DCTD: variants seen among roughly 807,000 people sequenced by gnomAD.
DCTD encodes dCMP deaminase.
A neutral mutation model predicts 21.0 loss-of-function variants in DCTD; 23 were observed. The observed-to-expected ratio is 1.09, with a 90% CI of 0.79 to 1.55. The LOEUF is 1.55. Among genes scored for constraint, DCTD ranks in the 40% most tolerant of loss-of-function variants. The probability of loss-of-function intolerance (pLI) is 0.00; values close to 1 mark genes in which losing one functional copy is unlikely to be tolerated. For missense variants in DCTD, 224 were observed against 230.0 expected (o/e 0.97, Z 0.17); for synonymous variants, 71 against 81.1 (o/e 0.88, Z 0.67).
At chr4:182,911,073 A>G (rs1004856868) in intron 3 of DCTD, 2 of 152,194 alleles carry the variant, frequency 1.3e-5, no homozygotes, top group Non-Finnish European at 2.9e-5. Flanking sequence ...GTGGCTGAGA[A>G]ACAATGGACA....
At chr4:182,899,328 C>T (rs1735290546) in intron 3 of DCTD, among the ~76,000 whole-genome samples, 1 of 152,074 alleles carries the variant, frequency 6.6e-6, no homozygotes, top group Admixed American at 6.6e-5. Context: ...ATTTTTCCTG[C>T]CTTTGTGGGC....
chr4:182,910,824 C>A (rs1737539584), intron 3 of DCTD, among the ~76,000 whole-genome samples: 1 of 152,170 alleles, frequency 6.6e-6, no homozygotes, highest in Non-Finnish European at 1.5e-5. Flanking sequence ...CAAAAACACC[C>A]TTTAAAAATA....
At position 182,891,225 on chromosome 4, in the gene DCTD, A is replaced by G; in HGVS notation, c.*174T>C. 1 of 618,766 alleles carries G rather than the reference A, an allele frequency of 1.6e-6. No individual in the cohort carries two copies. The highest frequency in any genetic ancestry group is 2.7e-5 in the Admixed American group (1 of 36,906). The allele number at this position is 618,766 out of a possible 1,614,324, so 38.3% of individuals were successfully genotyped here. A position where few individuals can be genotyped will look rare whatever the true frequency, so the allele number is the denominator to read the frequency against. On this transcript the variant is annotated 3_prime_UTR_variant, in exon 6 of 6. Transcript: ENST00000438320. ...CTAAAGCAATAGTTCAAACACATGT[A>G]GATTCCATGTGACAAGAGAGACAGT...
At chr4:182,900,884 C>A (rs901018512) in intron 3 of DCTD, among the ~76,000 whole-genome samples, 14 of 148,374 alleles carry the variant, frequency 9.4e-5, no homozygotes, top group Non-Finnish European at 1.5e-4. Flanking sequence ...TTTTCTATTA[C>A]TAACTGTCAG....
chr4:182,898,389 C>T (rs1466994894), intron 3 of DCTD, among the ~76,000 whole-genome samples: 1 of 152,212 alleles, frequency 6.6e-6, no homozygotes, highest in Non-Finnish European at 1.5e-5. Context: ...TGGCTGAGCG[C>T]TCTTGTAATT....
chr4:182,895,278 C>T (rs975936166), intron 3 of DCTD, among the ~76,000 whole-genome samples: 1 of 152,130 alleles, frequency 6.6e-6, no homozygotes, highest in African/African-American at 2.4e-5. Context: ...ACTATGTTGC[C>T]CAGGCTGGTC....
intron 3 of DCTD, among the ~76,000 whole-genome samples, chr4:182,901,486 G>A (rs888567118): frequency 1.3e-4 from 20 of 152,178 alleles, no homozygotes; most frequent in African/African-American, 4.8e-4. Flanking sequence ...GCCTGGTGTG[G>A]TGGCTCCCGC....
At chr4:182,912,775 C>T (rs13136805) in intron 3 of DCTD, among the ~76,000 whole-genome samples, 14,171 of 152,166 alleles carry the variant, frequency 0.093, 742 homozygotes, top group Middle Eastern at 0.15. Flanking sequence ...CCTTGGCTTC[C>T]AGGTCACTGC....
At chr4:182,908,598 G>A (rs71620960) in intron 3 of DCTD, among the ~76,000 whole-genome samples, 18 of 148,852 alleles carry the variant, frequency 1.2e-4, no homozygotes, top group African/African-American at 4.2e-4. Flanking sequence ...CAGGAGAATC[G>A]CTTGAAACCT....
In DCTD at chr4:182,893,121, T is replaced by C. The variant is rs2152854237; in HGVS notation, c.368A>G (p.Lys123Arg). The C allele has an allele frequency of 6.3e-7, 1 of 1,596,460 alleles. No individual in the cohort carries two copies. Among genetic ancestry groups the C allele is most frequent in the Non-Finnish European group, 8.6e-7 (1 of 1,165,590 alleles). Residue 123 changes from lysine to arginine, a missense_variant, in exon 5 of 6, where the codon AAA (lysine) becomes AGA (arginine). Lys to Arg is a conservative substitution (Grantham distance 26). Coordinates refer to ENST00000438320, the MANE Select transcript of DCTD (RefSeq NM_001921.3). ...CAKLIIQAGI[K>R]EVIFMSDKYH... Reference sequence around the variant, plus strand: ...TTTATCAGACATGAAAATCACTTCTTTTATACCTGTAAGGTAACAATGGGA... The same window carrying C: ...TTTATCAGACATGAAAATCACTTCTCTTATACCTGTAAGGTAACAATGGGA...
At chr4:182,917,389 G>GGCGGGGCCGCC (rs1323734264), upstream of DCTD, 6 of 1,085,642 alleles carry the variant, frequency 5.5e-6, no homozygotes, top group Non-Finnish European at 6.7e-6. The surrounding 1 kb of genome is among the most constrained non-coding windows in gnomAD (Gnocchi z 4.9). Context: ...CGGGGGAGGA[G>GGCGGGGCCGCC]GCGGGGCCGC....
At chr4:182,901,404 G>C (rs1207951855) in intron 3 of DCTD, among the ~76,000 whole-genome samples, 1 of 152,162 alleles carries the variant, frequency 6.6e-6, no homozygotes, top group African/African-American at 2.4e-5. Context: ...AGTGACACAG[G>C]ATTTTCCTTA....
chr4:182,895,076 A>G (rs1435973900), intron 3 of DCTD, among the ~76,000 whole-genome samples: 1 of 152,248 alleles, frequency 6.6e-6, no homozygotes, highest in Non-Finnish European at 1.5e-5. Flanking sequence ...ACATACGCAC[A>G]AGGAAAAACG....
At chr4:182,899,135 A>G (rs996894253) in intron 3 of DCTD, among the ~76,000 whole-genome samples, 2 of 152,108 alleles carry the variant, frequency 1.3e-5, no homozygotes, top group Non-Finnish European at 2.9e-5. Flanking sequence ...GGCTCTGATG[A>G]CCTGATGAGA....
intron 3 of DCTD, among the ~76,000 whole-genome samples, chr4:182,899,987 A>G (rs1735440690): frequency 6.8e-6 from 1 of 147,986 alleles, no homozygotes; most frequent in Non-Finnish European, 1.5e-5. Context: ...CTCCATGAGC[A>G]TTTCCTTCAA....
Position 182,896,404 on chromosome 4 carries a change from G to C in DCTD, c.245-1799C>G, listed in dbSNP as rs556393513. Among the ~76,000 whole-genome samples, 57 of 152,338 alleles carry C rather than the reference G, an allele frequency of 3.7e-4. No individual in the cohort carries two copies. The South Asian group carries it at 0.012, about 31-fold the overall frequency. ...TGTCTACAAATTCCATGTTTTAGGA[G>C]ATCTCAGTCCTGCCTAAAACTGAGC... On this transcript the variant is annotated intron_variant, in intron 3 of 5. Transcript: ENST00000438320.
chr4:182,906,052 A>G (rs560806804), intron 3 of DCTD, among the ~76,000 whole-genome samples: 1 of 151,992 alleles, frequency 6.6e-6, no homozygotes, highest in Non-Finnish European at 1.5e-5. Flanking sequence ...ACCCCCTCCA[A>G]GGCCCTCGCA....
chr4:182,898,896 C>T (rs1735219794), intron 3 of DCTD, among the ~76,000 whole-genome samples: 1 of 152,216 alleles, frequency 6.6e-6, no homozygotes, highest in African/African-American at 2.4e-5. Flanking sequence ...CAATGAGTTA[C>T]ACCAGCTTTT....
Sources: gnomAD v4.1 joint callset for allele counts (sites outside exome capture counted in the v4.1 genomes callset) on GRCh38, gnomAD v4.1.1 for gene constraint, Gnocchi (gnomAD v3.1) non-coding constraint, MANE v1.5 for transcripts, NCBI Gene and HGNC (gene_info 2026-07-23, HGNC 2026-07-21) for gene names.